Variants in STON2 observed in about 807,000 individuals in gnomAD.
STON2 encodes the protein stonin-2.
Under a neutral mutation model 65.7 loss-of-function variants are expected in STON2, and 29 were observed. The ratio of observed to expected loss-of-function variants is 0.44; its 90% confidence interval spans 0.33 to 0.60. The LOEUF is 0.60. Ranked by LOEUF, STON2 falls within the 20% of genes least tolerant of loss-of-function variation. STON2 has a pLI of 0.03. For synonymous variants in STON2, 404 were observed against 414.2 expected, an observed-to-expected ratio of 0.98 and a Z score of 0.30; for missense variants, 1,054 against 1,118.1, an observed-to-expected ratio of 0.94 and a Z score of 0.82.
intron 3 of STON2, among the ~76,000 whole-genome samples, chr14:81,391,007 G>A (rs117675144): frequency 1.3e-5 from 2 of 152,290 alleles, no homozygotes; most frequent in Non-Finnish European, 2.9e-5. Flanking sequence ...CTTCTCTTCT[G>A]TGTAAGCAAA....
intron 3 of STON2, among the ~76,000 whole-genome samples, chr14:81,377,314 A>C (rs1386680050): frequency 2.0e-5 from 3 of 152,186 alleles, no homozygotes; most frequent in African/African-American, 7.2e-5. Flanking sequence ...AATGCCTTTG[A>C]GCTTCATCTG....
chr14:81,302,953 G>A (rs959695328), intron 5 of STON2, among the ~76,000 whole-genome samples: 3 of 152,136 alleles, frequency 2.0e-5, no homozygotes, highest in Non-Finnish European at 4.4e-5. Context: ...TAGTTTGGAG[G>A]GGCAGGAACA....
chr14:81,313,126 T>A (rs1896490154), intron 5 of STON2, among the ~76,000 whole-genome samples: 1 of 152,210 alleles, frequency 6.6e-6, no homozygotes, highest in African/African-American at 2.4e-5. Context: ...CCTGGCCTCA[T>A]TCCGTGGTTT....
In STON2 at chr14:81,396,164, G is replaced by A. The variant is rs1345034704; in HGVS notation, c.103C>T (p.His35Tyr). The change falls in exon 3 of 8, where the codon CAC (histidine) becomes TAC (tyrosine). Residue 35 changes from histidine to tyrosine, a missense_variant. His to Tyr is a moderately conservative substitution (Grantham distance 83). Coordinates refer to ENST00000614646, the MANE Select transcript of STON2 (RefSeq NM_001394390.1). ...GGGGAAGATGACAGTCCTGGGAGGT[G>A]CTCTTCCGTGCCCCCTGAAACAGAT... ...PAHSQGGTEEHLPGLSSSPDQ... is the reference protein window; with the variant it reads ...PAHSQGGTEEYLPGLSSSPDQ... The A allele has an allele frequency of 1.9e-6, 3 of 1,609,590 alleles. No individual in the cohort carries two copies. Among genetic ancestry groups the A allele is most frequent in the East Asian group, 2.2e-5 (1 of 44,802 alleles).
chr14:81,357,799 A>G (rs1898311339), intron 4 of STON2, among the ~76,000 whole-genome samples: 1 of 150,886 alleles, frequency 6.6e-6, no homozygotes, highest in Admixed American at 6.6e-5. Context: ...CAAAAAACCA[A>G]ACACCGCATA....
Position 81,407,900 on chromosome 14 carries a change from G to A in STON2, c.-198-9320C>T, listed in dbSNP as rs894235458. Among the ~76,000 whole-genome samples, 5 of 152,210 alleles carry A rather than the reference G, an allele frequency of 3.3e-5. No homozygotes were observed. In the East Asian group the frequency reaches 5.8e-4, roughly 18 times the overall value. ...CAAGCTTTCATACACTGATATCTGT[G>A]TCACAGTGGGCTACAGGAGCCATAG... On this transcript the variant is annotated intron_variant, in intron 2 of 8. Coordinates refer to the STON2 transcript ENST00000553821.
At chr14:81,397,636 C>A (rs1236602798) in intron 2 of STON2, among the ~76,000 whole-genome samples, 1 of 152,166 alleles carries the variant, frequency 6.6e-6, no homozygotes, top group Non-Finnish European at 1.5e-5. Context: ...TAGAACAGAA[C>A]CAACTCACAT....
intron 2 of STON2, among the ~76,000 whole-genome samples, chr14:81,419,964 A>T (rs1203896736): frequency 6.6e-6 from 1 of 152,090 alleles, no homozygotes; most frequent in African/African-American, 2.4e-5. Flanking sequence ...CTTCCACTGG[A>T]GGGGCTGGTG....
chr14:81,408,513 A>G (rs1434722170), intron 2 of STON2, among the ~76,000 whole-genome samples: 1 of 152,228 alleles, frequency 6.6e-6, no homozygotes, highest in East Asian at 1.9e-4. Flanking sequence ...TCCTAACCCT[A>G]GGTGGCTTCC....
intron 4 of STON2, among the ~76,000 whole-genome samples, chr14:81,355,227 T>C (rs1386916716): frequency 2.0e-5 from 3 of 152,020 alleles, no homozygotes; most frequent in Non-Finnish European, 4.4e-5. Context: ...AAGCATATTT[T>C]AAAAAATAAT....
intron 3 of STON2, among the ~76,000 whole-genome samples, chr14:81,381,289 T>C (rs1283112054): frequency 1.3e-5 from 2 of 151,484 alleles, no homozygotes; most frequent in African/African-American, 4.9e-5. Flanking sequence ...AGAGAAATAT[T>C]TTCTTTACCA....
intron 5 of STON2, among the ~76,000 whole-genome samples, chr14:81,299,352 G>T (rs147742153): frequency 3.3e-4 from 50 of 152,238 alleles, no homozygotes; most frequent in African/African-American, 1.2e-3. Context: ...AGAATGGAAG[G>T]GAACTTCCTC....
intron 4 of STON2, among the ~76,000 whole-genome samples, chr14:81,366,208 G>A (rs1898718056): frequency 6.6e-6 from 1 of 151,688 alleles, no homozygotes. Flanking sequence ...GTGAGAAAAT[G>A]AGAATAAAGT....
rs1010622057 is a variant in STON2 at position 81,262,100 on chromosome 14, T to C, written c.*6314A>G. The C allele has an allele frequency of 1.5e-5, 15 of 985,284 alleles. No individual in the cohort carries two copies. In the African/African-American group the frequency reaches 2.4e-4, roughly 16 times the overall value. 61.0% of individuals were successfully genotyped at this position (985,284 alleles called of 1,614,324 possible). Reference sequence around the variant, plus strand: ...GATATTTTGTAAAATAACCCACAACTTTAGAGCTGGAAAGGACTTGAAGAA... The same window carrying C: ...GATATTTTGTAAAATAACCCACAACCTTAGAGCTGGAAAGGACTTGAAGAA... On this transcript the variant is annotated 3_prime_UTR_variant, in exon 8 of 8. Transcript: ENST00000614646.
intron 4 of STON2, among the ~76,000 whole-genome samples, chr14:81,348,444 G>A (rs1897900245): frequency 6.6e-6 from 1 of 151,984 alleles, no homozygotes; most frequent in Non-Finnish European, 1.5e-5. Context: ...AAAATCAGTA[G>A]CAGTTCTACA....
chr14:81,377,995 G>C (rs552568554), intron 3 of STON2, among the ~76,000 whole-genome samples: 1 of 151,954 alleles, frequency 6.6e-6, no homozygotes, highest in South Asian at 2.1e-4. Context: ...TTACAAGCAT[G>C]TACCACCACG....
chr14:81,269,082 C>T (rs1378358325), intron 7 of STON2, among the ~76,000 whole-genome samples: 1 of 152,088 alleles, frequency 6.6e-6, no homozygotes, highest in Non-Finnish European at 1.5e-5. Flanking sequence ...CACAGCTCAC[C>T]GCAACCTCCA....
intron 5 of STON2, among the ~76,000 whole-genome samples, chr14:81,288,265 C>T (rs1034531473): frequency 6.6e-6 from 1 of 152,086 alleles, no homozygotes; most frequent in Non-Finnish European, 1.5e-5. Flanking sequence ...GGAATGTATC[C>T]TGAGAAATGC....
rs1362464260 is a variant in STON2, at chr14:81,277,033, C to A, written c.2449G>T (p.Gly817Trp). The A allele has an allele frequency of 8.1e-6, 13 of 1,614,226 alleles. No homozygotes were observed. The South Asian group carries it at 1.4e-4, about 18-fold the overall frequency. ...ACACTAGTGGAGCCAAAACTTGCCC[C>A]CCGGTTCACTTTGGCTTTCAAAGAC... Reference protein sequence around the residue: ...EKSLKAKVNRGASFGSTSVSG... With the variant: ...EKSLKAKVNRWASFGSTSVSG... The change falls in exon 6 of 8, where the codon GGG becomes TGG. Residue 817 changes from glycine to tryptophan, a missense_variant. Gly to Trp is a radical substitution (Grantham distance 184). Transcript: ENST00000614646.
Sources: allele counts gnomAD v4.1 joint callset (sites outside exome capture counted in the v4.1 genomes callset), GRCh38; gene constraint gnomAD v4.1.1; transcripts MANE v1.5; gene names NCBI Gene and HGNC (gene_info 2026-07-23, HGNC 2026-07-21).